Variants in RBFOX1 observed in about 807,000 individuals in gnomAD.
RBFOX1 encodes RNA binding protein fox-1 homolog 1.
A neutral mutation model predicts 57.7 loss-of-function variants in RBFOX1; 8 were observed. The observed-to-expected ratio is 0.14, with a 90% CI of 0.08 to 0.25. The LOEUF (loss-of-function observed/expected upper bound fraction) is 0.25. Among genes scored for constraint, RBFOX1 ranks in the 10% least tolerant of loss-of-function variants. RBFOX1 has a pLI of 1.00. For synonymous variants in RBFOX1, 326 were observed against 222.4 expected (o/e 1.47, Z -4.15); for missense variants, 611 against 548.5 (o/e 1.11, Z -1.14).
chr16:6,839,393 C>T (rs543105447), intron 3 of RBFOX1, among the ~76,000 whole-genome samples: 4 of 152,216 alleles, frequency 2.6e-5, no homozygotes, highest in Admixed American at 6.5e-5. Flanking sequence ...TTGTCAGCTG[C>T]GTCACTGCTG....
At chr16:6,295,110 T>TG (rs113822411) in intron 1 of RBFOX1, among the ~76,000 whole-genome samples, 6 of 145,368 alleles carry the variant, frequency 4.1e-5, no homozygotes, top group Admixed American at 6.9e-5. Flanking sequence ...TTTTTTTTTT[T>TG]TTTTTTTTTT....
chr16:6,763,655 C>G (rs1353253990), intron 3 of RBFOX1, among the ~76,000 whole-genome samples: 2 of 152,218 alleles, frequency 1.3e-5, no homozygotes, highest in Non-Finnish European at 2.9e-5. Flanking sequence ...TGTTCTACCT[C>G]CCAGCAAAGT....
At chr16:5,919,481 T>A (rs966726000) in intron 4 of RBFOX1, among the ~76,000 whole-genome samples, 3 of 152,008 alleles carry the variant, frequency 2.0e-5, no homozygotes, top group African/African-American at 7.3e-5. Context: ...TAGCTGGGAG[T>A]ACAGGCATGT....
chr16:5,884,885 C>A (rs1028471651), intron 4 of RBFOX1, among the ~76,000 whole-genome samples: 1 of 152,160 alleles, frequency 6.6e-6, no homozygotes, highest in South Asian at 2.1e-4. Context: ...GTCTTTCTCC[C>A]ATTTTGCCAT....
chr16:7,566,818 C>G (rs1401248665), intron 5 of RBFOX1, among the ~76,000 whole-genome samples: 1 of 152,064 alleles, frequency 6.6e-6, no homozygotes, highest in East Asian at 1.9e-4. Context: ...CCAAGGGTGT[C>G]TATGTATCCT....
At chr16:6,234,294 A>C (rs1288819248) in intron 1 of RBFOX1, among the ~76,000 whole-genome samples, 1 of 152,192 alleles carries the variant, frequency 6.6e-6, no homozygotes, top group Non-Finnish European at 1.5e-5. Flanking sequence ...TGTGTTATCT[A>C]TCGAAAAGCA....
intron 3 of RBFOX1, among the ~76,000 whole-genome samples, chr16:6,850,873 G>T (rs1276295629): frequency 6.6e-6 from 1 of 152,074 alleles, no homozygotes; most frequent in African/African-American, 2.4e-5. Flanking sequence ...GCACACTTGG[G>T]CATTTATCCC....
At chr16:6,397,023 A>AAATG (rs1160342937) in intron 2 of RBFOX1, among the ~76,000 whole-genome samples, 1 of 152,196 alleles carries the variant, frequency 6.6e-6, no homozygotes, top group Non-Finnish European at 1.5e-5. Flanking sequence ...GAAAAAAAGC[A>AAATG]AATGATTTGA....
intron 4 of RBFOX1, among the ~76,000 whole-genome samples, chr16:7,251,335 G>A (rs986735655): frequency 6.6e-6 from 1 of 150,888 alleles, no homozygotes; most frequent in African/African-American, 2.4e-5. Context: ...CAGTGTTGCA[G>A]TTGACAAGAA....
At chr16:7,189,949 T>G (rs1315995380) in intron 4 of RBFOX1, among the ~76,000 whole-genome samples, 3 of 152,166 alleles carry the variant, frequency 2.0e-5, no homozygotes, top group African/African-American at 7.2e-5. Context: ...AGACATCAAT[T>G]AGTGATGCAA....
At chr16:5,879,451 T>A (rs2057706416) in intron 4 of RBFOX1, among the ~76,000 whole-genome samples, 1 of 152,178 alleles carries the variant, frequency 6.6e-6, no homozygotes, top group African/African-American at 2.4e-5. Flanking sequence ...TGCCTCAGGC[T>A]CCTAGGTAAC....
intron 2 of RBFOX1, among the ~76,000 whole-genome samples, chr16:5,538,184 C>T (rs918789076): frequency 6.6e-6 from 1 of 152,092 alleles, no homozygotes; most frequent in Non-Finnish European, 1.5e-5. Context: ...AGATGTAGAG[C>T]CAAGAGGCCA....
intron 4 of RBFOX1, among the ~76,000 whole-genome samples, chr16:7,343,185 A>T (rs138851528): frequency 6.6e-6 from 1 of 152,298 alleles, no homozygotes; most frequent in Non-Finnish European, 1.5e-5. Flanking sequence ...AATAGCTCCC[A>T]TCTGTCAGTG....
At chr16:6,649,877 C>G (rs1482189198) in intron 2 of RBFOX1, among the ~76,000 whole-genome samples, 1 of 151,986 alleles carries the variant, frequency 6.6e-6, no homozygotes, top group Admixed American at 6.6e-5. Flanking sequence ...GTATAGTATT[C>G]CAATATACCA....
In RBFOX1 at chr16:6,785,799, A is replaced by G. The variant is rs188781672; in HGVS notation, c.-16+131149A>G. The stretch of plus-strand genomic sequence containing the variant: ...TACCAAACAAATGCAGGAAACAATG[A>G]GAGCATGATGAGAACTTACTTTAGA... On this transcript the variant is annotated intron_variant, in intron 3 of 15. Coordinates refer to ENST00000550418, the MANE Select transcript of RBFOX1 (RefSeq NM_018723.4). Among the ~76,000 whole-genome samples the G allele has an allele frequency of 6.6e-5, 10 of 151,026 alleles. No individual in the cohort carries two copies. In the East Asian group the frequency reaches 1.9e-3, roughly 29 times the overall value.
intron 4 of RBFOX1, among the ~76,000 whole-genome samples, chr16:7,074,518 A>C (rs1022437759): frequency 3.3e-5 from 5 of 152,202 alleles, no homozygotes; most frequent in African/African-American, 1.2e-4. Flanking sequence ...TGAAGAATAG[A>C]ACTAAGGAAC....
chr16:7,469,008 G>A (rs997854817), intron 4 of RBFOX1, among the ~76,000 whole-genome samples: 5 of 151,742 alleles, frequency 3.3e-5, no homozygotes, highest in African/African-American at 7.3e-5. Flanking sequence ...ATCTCGGCTC[G>A]CTGCAAGCTC....
intron 2 of RBFOX1, among the ~76,000 whole-genome samples, chr16:5,576,755 C>T (rs2046469278): frequency 6.6e-6 from 1 of 152,218 alleles, no homozygotes; most frequent in African/African-American, 2.4e-5. Flanking sequence ...GGGTGGATGT[C>T]AGCAAGCTGC....
intron 4 of RBFOX1, among the ~76,000 whole-genome samples, chr16:5,971,307 A>C (rs113256601): frequency 6.6e-6 from 1 of 152,342 alleles, no homozygotes; most frequent in African/African-American, 2.4e-5. Context: ...TGTGACAGGA[A>C]ATGACATCAT....
Sources: gnomAD v4.1 joint callset for allele counts (sites outside exome capture counted in the v4.1 genomes callset) on GRCh38, gnomAD v4.1.1 for gene constraint, MANE v1.5 for transcripts, NCBI Gene and HGNC (gene_info 2026-07-23, HGNC 2026-07-21) for gene names.